The following SEL1L2 variants were observed in gnomAD, a reference collection of about 807,000 sequenced individuals.
SEL1L2 encodes SEL1L2 adaptor subunit of SYVN1 ubiquitin ligase.
A neutral mutation model predicts 98.8 loss-of-function variants in SEL1L2; 89 were observed. The observed-to-expected ratio is 0.90, with a 90% confidence interval of 0.76 to 1.07. The LOEUF is 1.07. Ranked by LOEUF, SEL1L2 falls within the 50% of genes least tolerant of loss-of-function variation. SEL1L2 has a pLI of 0.00. For missense variants in SEL1L2, 788 were observed against 812.0 expected, an observed-to-expected ratio of 0.97 and a Z score of 0.36; for synonymous variants, 262 against 278.5, an observed-to-expected ratio of 0.94 and a Z score of 0.59.
intron 10 of SEL1L2, among the ~76,000 whole-genome samples, chr20:13,879,333 T>C (rs1858259569): frequency 6.6e-6 from 1 of 152,088 alleles, no homozygotes; most frequent in South Asian, 2.1e-4. Flanking sequence ...AAGACTAAGC[T>C]AAGGATTTTA....
chr20:13,983,084 A>T (rs1316890491), intron 1 of SEL1L2, among the ~76,000 whole-genome samples: 1 of 148,994 alleles, frequency 6.7e-6, no homozygotes, highest in Non-Finnish European at 1.5e-5. Context: ...GAGAGAAAAA[A>T]ACACATGATT....
At chr20:13,891,945 G>C (rs1016448312) in intron 5 of SEL1L2, among the ~76,000 whole-genome samples, 1 of 152,104 alleles carries the variant, frequency 6.6e-6, no homozygotes, top group Admixed American at 6.6e-5. Context: ...GAATTCTGTA[G>C]TATTGTAATG....
chr20:13,856,739 A>G (rs1989229742), intron 18 of SEL1L2, among the ~76,000 whole-genome samples: 1 of 152,248 alleles, frequency 6.6e-6, no homozygotes, highest in Non-Finnish European at 1.5e-5. Context: ...GAGATGATTT[A>G]TACCTTTCTT....
intron 3 of SEL1L2, among the ~76,000 whole-genome samples, chr20:13,929,486 C>CCT (rs1483410445): frequency 0.015 from 886 of 57,446 alleles, 11 homozygotes; most frequent in Middle Eastern, 0.044. Flanking sequence ...ATTGCCTTTG[C>CCT]CTTTTTTTTT....
At chr20:13,874,748 G>T (rs2046360206) in intron 12 of SEL1L2, among the ~76,000 whole-genome samples, 1 of 152,138 alleles carries the variant, frequency 6.6e-6, no homozygotes, top group Non-Finnish European at 1.5e-5. Flanking sequence ...GCTCTGAGGT[G>T]GTAGTCACTT....
At chr20:13,971,404 T>C (rs1039425668) in intron 1 of SEL1L2, among the ~76,000 whole-genome samples, 6 of 152,140 alleles carry the variant, frequency 3.9e-5, no homozygotes, top group Non-Finnish European at 8.8e-5. Flanking sequence ...ATAGTTTTGT[T>C]TTTACAATGT....
At chr20:13,930,644 G>A (rs1422181568) in intron 3 of SEL1L2, among the ~76,000 whole-genome samples, 1 of 151,878 alleles carries the variant, frequency 6.6e-6, no homozygotes, top group Non-Finnish European at 1.5e-5. Context: ...TAAATGTGAG[G>A]AAAAAAATAC....
chr20:13,904,877 T>A (rs2047853287), intron 5 of SEL1L2, among the ~76,000 whole-genome samples: 1 of 152,226 alleles, frequency 6.6e-6, no homozygotes, highest in African/African-American at 2.4e-5. Flanking sequence ...TACTGTTCTA[T>A]TGAGTTGGGC....
At chr20:13,887,701 G>A in intron 8 of SEL1L2, 68 bp downstream of exon 8, 1 of 982,894 alleles carries the variant, frequency 1.0e-6, no homozygotes, top group Non-Finnish European at 1.6e-6. Flanking sequence ...CAATTGAACT[G>A]TTATTGATTT....
intron 4 of SEL1L2, among the ~76,000 whole-genome samples, chr20:13,916,963 C>T (rs2048431785): frequency 6.6e-6 from 1 of 152,100 alleles, no homozygotes; most frequent in Non-Finnish European, 1.5e-5. Context: ...GGCTTTCTCC[C>T]TGTTCTTTAG....
At chr20:13,980,068 G>C (rs2051735414) in intron 1 of SEL1L2, among the ~76,000 whole-genome samples, 1 of 152,134 alleles carries the variant, frequency 6.6e-6, no homozygotes, top group African/African-American at 2.4e-5. Flanking sequence ...TTTCTTGAAA[G>C]AAGACATACA....
intron 2 of SEL1L2, among the ~76,000 whole-genome samples, chr20:13,936,919 C>T (rs2049481490): frequency 1.3e-5 from 2 of 152,184 alleles, no homozygotes; most frequent in Admixed American, 1.3e-4. Context: ...AGGATAAAAT[C>T]AAACCACTTT....
chr20:13,968,978 T>C (rs1007704248), intron 1 of SEL1L2, among the ~76,000 whole-genome samples: 7 of 152,206 alleles, frequency 4.6e-5, no homozygotes, highest in African/African-American at 1.2e-4. Context: ...GTATGAAGGC[T>C]TTGTTAATGG....
intron 2 of SEL1L2, among the ~76,000 whole-genome samples, chr20:13,934,488 T>TTCCATATATATATTCCATATATATA (rs2049355073): frequency 3.5e-5 from 1 of 28,552 alleles, no homozygotes; most frequent in Non-Finnish European, 8.1e-5. Flanking sequence ...TATATATATA[T>TTCCATATATATATTCCATATATATA]GTCACAGTTT....
chr20:13,876,631 G>A (rs935697397), intron 11 of SEL1L2, among the ~76,000 whole-genome samples: 3 of 152,072 alleles, frequency 2.0e-5, no homozygotes, highest in African/African-American at 7.2e-5. Context: ...GGTGGCATAA[G>A]GATAGCTCTG....
intron 1 of SEL1L2, among the ~76,000 whole-genome samples, chr20:13,961,005 A>G (rs1386219623): frequency 4.6e-5 from 7 of 152,254 alleles, no homozygotes; most frequent in Non-Finnish European, 1.0e-4. Flanking sequence ...CTCTAGAATT[A>G]TAGCTCTAAC....
chr20:13,877,100 C>T (rs765324984), intron 11 of SEL1L2, among the ~76,000 whole-genome samples: 34 of 152,298 alleles, frequency 2.2e-4, no homozygotes, highest in Non-Finnish European at 4.3e-4. Context: ...GCTGGGATTA[C>T]AGGCGTGAGC....
intron 5 of SEL1L2, among the ~76,000 whole-genome samples, chr20:13,903,647 T>C (rs2047784702): frequency 6.6e-6 from 1 of 152,104 alleles, no homozygotes; most frequent in African/African-American, 2.4e-5. Flanking sequence ...ACCCTGTCTC[T>C]ACTAAAAATA....
chr20:13,914,023 T>C, intron 4 of SEL1L2, 79 bp from the exon 5 acceptor site: 2 of 1,256,714 alleles, frequency 1.6e-6, no homozygotes, highest in South Asian at 1.5e-5. Context: ...TTCATACTAC[T>C]TCTCTCTAAC....
Sources: gnomAD v4.1 joint callset for allele counts (sites outside exome capture counted in the v4.1 genomes callset) on GRCh38, gnomAD v4.1.1 for gene constraint, MANE v1.5 for transcripts, NCBI Gene and HGNC (gene_info 2026-07-23, HGNC 2026-07-21) for gene names.